PLCL1: variants seen among roughly 807,000 people sequenced by gnomAD.
The protein encoded by PLCL1 is inactive phospholipase C-like protein 1.
PLCL1 carries 41 observed loss-of-function variants against 84.4 expected under a neutral mutation model. The ratio of observed to expected loss-of-function variants is 0.49; its 90% CI spans 0.38 to 0.63. PLCL1 has a LOEUF of 0.63. Ranked by LOEUF, PLCL1 falls within the 30% of genes least tolerant of loss-of-function variation. The pLI is 0.00. For synonymous variants in PLCL1, 490 were observed against 488.3 expected (o/e 1.00, Z -0.05); for missense variants, 1,206 against 1,367.8 (o/e 0.88, Z 1.87).
At chr2:198,032,778 A>G (rs995089645) in intron 1 of PLCL1, among the ~76,000 whole-genome samples, 8 of 152,156 alleles carry the variant, frequency 5.3e-5, no homozygotes, top group South Asian at 2.1e-4. Flanking sequence ...ACATACTACA[A>G]AGAGCTTTGT....
intron 1 of PLCL1, among the ~76,000 whole-genome samples, chr2:197,861,538 C>G (rs1179854691): frequency 6.6e-6 from 1 of 152,106 alleles, no homozygotes; most frequent in East Asian, 1.9e-4. Flanking sequence ...TTGTGGAAAC[C>G]CTGATTATAG....
At chr2:198,134,259 A>G (rs1694198659) in intron 5 of PLCL1, among the ~76,000 whole-genome samples, 5 of 152,130 alleles carry the variant, frequency 3.3e-5, no homozygotes, top group African/African-American at 1.2e-4. Flanking sequence ...CCTTGCAGTA[A>G]CATTAATCTG....
At chr2:197,818,017 A>G (rs995054954) in intron 1 of PLCL1, among the ~76,000 whole-genome samples, 5 of 152,060 alleles carry the variant, frequency 3.3e-5, no homozygotes, top group South Asian at 2.1e-4. Context: ...AGAAGAATCA[A>G]GGGAGGACTG....
At chr2:198,003,249 A>G (rs1246780590) in intron 1 of PLCL1, among the ~76,000 whole-genome samples, 1 of 152,174 alleles carries the variant, frequency 6.6e-6, no homozygotes, top group Non-Finnish European at 1.5e-5. Flanking sequence ...TTTTTTTAAT[A>G]TCTTAAAAAA....
intron 3 of PLCL1, among the ~76,000 whole-genome samples, chr2:198,098,584 G>A (rs896270854): frequency 6.6e-6 from 1 of 152,196 alleles, no homozygotes; most frequent in African/African-American, 2.4e-5. Flanking sequence ...ACTATAAAAT[G>A]TGGTTGTCCA....
At chr2:197,885,192 A>G (rs1407471011) in intron 1 of PLCL1, among the ~76,000 whole-genome samples, 1 of 152,172 alleles carries the variant, frequency 6.6e-6, no homozygotes, top group Non-Finnish European at 1.5e-5. Flanking sequence ...AAAGATAATC[A>G]ATTGGTTTTT....
At position 197,826,893 on chromosome 2, in the gene PLCL1, A is replaced by G. The variant is rs151129301; in HGVS notation, c.240+21554A>G. Reference sequence around the variant, plus strand: ...CCTAGATTTTTCCTTCTCGTTTTTCATCTCATGAATAGCACCACTATCCTC... The same window carrying G: ...CCTAGATTTTTCCTTCTCGTTTTTCGTCTCATGAATAGCACCACTATCCTC... On this transcript the variant is annotated intron_variant, in intron 1 of 5. Transcript: ENST00000428675. Among the ~76,000 whole-genome samples the G allele has an allele frequency of 2.0e-5, 3 of 152,236 alleles. No individual in the cohort carries two copies. The East Asian group carries it at 5.8e-4, about 29-fold the overall frequency.
intron 1 of PLCL1, among the ~76,000 whole-genome samples, chr2:197,879,705 T>C (rs1462944241): frequency 1.3e-5 from 2 of 152,188 alleles, no homozygotes; most frequent in African/African-American, 4.8e-5. Flanking sequence ...CAAATTCAGA[T>C]AGTCTTCCTT....
chr2:197,949,833 T>C (rs938565993), intron 1 of PLCL1, among the ~76,000 whole-genome samples: 2 of 152,212 alleles, frequency 1.3e-5, no homozygotes, highest in African/African-American at 4.8e-5. Context: ...AAATAATTTA[T>C]AAAGTCTCTT....
intron 1 of PLCL1, among the ~76,000 whole-genome samples, chr2:197,916,573 T>TC (rs1688604021): frequency 6.6e-6 from 1 of 151,900 alleles, no homozygotes; most frequent in Non-Finnish European, 1.5e-5. Context: ...ACTCAATATA[T>TC]ATCATCATCA....
intron 5 of PLCL1, among the ~76,000 whole-genome samples, chr2:198,110,337 G>T (rs548683555): frequency 6.6e-6 from 1 of 151,754 alleles, no homozygotes; most frequent in African/African-American, 2.4e-5. Context: ...TTCAATTTCC[G>T]TGGGAAGAGC....
intron 1 of PLCL1, among the ~76,000 whole-genome samples, chr2:198,078,729 C>G (rs552922070): frequency 6.6e-6 from 1 of 151,862 alleles, no homozygotes; most frequent in East Asian, 1.9e-4. Context: ...AAAAACTTGC[C>G]AAAACACCAA....
chr2:198,132,872 C>T (rs1369696345), intron 5 of PLCL1, among the ~76,000 whole-genome samples: 1 of 151,818 alleles, frequency 6.6e-6, no homozygotes. Context: ...GTTGCCATTG[C>T]TTTTGGTGTT....
At chr2:198,067,824 A>T (rs1216998916) in intron 1 of PLCL1, among the ~76,000 whole-genome samples, 1 of 152,238 alleles carries the variant, frequency 6.6e-6, no homozygotes, top group African/African-American at 2.4e-5. Flanking sequence ...CTTCTTAGAA[A>T]GGTGAGATGC....
chr2:198,121,862 C>A (rs544867669), intron 5 of PLCL1, among the ~76,000 whole-genome samples: 1 of 152,036 alleles, frequency 6.6e-6, no homozygotes, highest in South Asian at 2.1e-4. Context: ...GGACCAGTGC[C>A]CATCTTTATT....
intron 1 of PLCL1, among the ~76,000 whole-genome samples, chr2:197,926,918 T>C (rs892530804): frequency 3.3e-5 from 5 of 152,138 alleles, no homozygotes; most frequent in Admixed American, 2.0e-4. Context: ...ATGTTCATGG[T>C]GGTTGTCTTA....
chr2:197,879,743 G>A (rs1054998559), intron 1 of PLCL1, among the ~76,000 whole-genome samples: 4 of 152,060 alleles, frequency 2.6e-5, no homozygotes, highest in Non-Finnish European at 5.9e-5. Context: ...ACCCTTTCTG[G>A]TTATGGATAA....
At chr2:198,025,368 A>T (rs1691240122) in intron 1 of PLCL1, among the ~76,000 whole-genome samples, 1 of 151,892 alleles carries the variant, frequency 6.6e-6, no homozygotes, top group Non-Finnish European at 1.5e-5. Context: ...AGTATACTAG[A>T]TGCACTCTAC....
chr2:197,909,709 T>C (rs1381710857), intron 1 of PLCL1, among the ~76,000 whole-genome samples: 1 of 152,016 alleles, frequency 6.6e-6, no homozygotes, highest in African/African-American at 2.4e-5. Flanking sequence ...TTCTGGAGAG[T>C]GGAGTTCTCT....
Sources: gnomAD v4.1 joint callset for allele counts (sites outside exome capture counted in the v4.1 genomes callset) on GRCh38, gnomAD v4.1.1 for gene constraint, MANE v1.5 for transcripts, NCBI Gene and HGNC (gene_info 2026-07-23, HGNC 2026-07-21) for gene names.